The following GSPT1 variants were observed in gnomAD, a reference collection of about 807,000 sequenced individuals.
GSPT1 encodes eukaryotic peptide chain release factor GTP-binding subunit ERF3A.
Under a neutral mutation model 72.5 loss-of-function variants are expected in GSPT1, and 20 were observed. That is an observed-to-expected ratio of 0.28 (90% CI 0.19 to 0.40). GSPT1 has a LOEUF of 0.40. GSPT1 is among the 10% of genes least tolerant of loss of function. The pLI is 1.00. For missense variants in GSPT1, 580 were observed against 811.9 expected (o/e 0.71, Z 3.47); for synonymous variants, 334 against 293.5 (o/e 1.14, Z -1.41).
upstream of GSPT1, among the ~76,000 whole-genome samples, chr16:11,916,564 G>A (rs1294847915): frequency 6.6e-6 from 1 of 152,084 alleles, no homozygotes; most frequent in African/African-American, 2.4e-5. Flanking sequence ...TTCAAAGCCG[G>A]TGCAGATTGC....
At chr16:11,902,899 T>C (rs541040191) in intron 1 of GSPT1, among the ~76,000 whole-genome samples, 16 of 152,024 alleles carry the variant, frequency 1.1e-4, no homozygotes, top group African/African-American at 3.9e-4. Flanking sequence ...AAATTTTTTA[T>C]AGAGATGGTG....
At chr16:11,876,018 T>C (rs2054042880) in intron 13 of GSPT1, 68 bp downstream of exon 13, 1 of 1,448,204 alleles carries the variant, frequency 6.9e-7, no homozygotes, top group East Asian at 2.3e-5. Flanking sequence ...TGCATCACTG[T>C]TGCTGATTAG....
At chr16:11,892,016 G>C (rs1455073812) in intron 5 of GSPT1, among the ~76,000 whole-genome samples, 2 of 151,996 alleles carry the variant, frequency 1.3e-5, no homozygotes, top group Non-Finnish European at 2.9e-5. Context: ...TATGGAAAGT[G>C]TAAGTGGAAA....
chr16:11,910,002 G>A (rs1385695426), intron 1 of GSPT1, among the ~76,000 whole-genome samples: 1 of 152,140 alleles, frequency 6.6e-6, no homozygotes, highest in Non-Finnish European at 1.5e-5. Flanking sequence ...GGAAGCTGAG[G>A]TGAAAGATCA....
intron 1 of GSPT1, among the ~76,000 whole-genome samples, chr16:11,901,953 G>T (rs961231434): frequency 6.6e-6 from 1 of 151,694 alleles, no homozygotes; most frequent in Non-Finnish European, 1.5e-5. Context: ...AAAATTTGCC[G>T]GGCACGGTGT....
intron 11 of GSPT1, among the ~76,000 whole-genome samples, chr16:11,878,519 GGT>G (rs1349532943): frequency 6.6e-6 from 1 of 151,090 alleles, no homozygotes; most frequent in Non-Finnish European, 1.5e-5. Flanking sequence ...CTTGAGCCCA[GGT>G]GTTTTAAGGC....
chr16:11,916,078 T>C (rs2054634510), upstream of GSPT1: 3 of 523,422 alleles, frequency 5.7e-6, no homozygotes, highest in Non-Finnish European at 1.1e-5. Flanking sequence ...GCCGCCCCCG[T>C]TTCCGGCTAT....
rs78205976 is a variant in GSPT1, at chr16:11,881,442, G to A, written c.1428+1573C>T. On this transcript the variant is annotated intron_variant, in intron 11 of 14. Coordinates refer to ENST00000434724, the MANE Select transcript of GSPT1 (RefSeq NM_002094.4). ...GAGAATCATACTTTTTTCTATTCTG[G>A]TAAAATATAAGTAATAACATTCAAC... 1.9e-4 allele frequency: 29 copies of A among 151,906 alleles called. 1 individual carries two copies. The East Asian group carries it at 4.6e-3, about 24-fold the overall frequency. 9.4% of individuals were successfully genotyped at this position (151,906 alleles called of 1,614,324 possible). A position where few individuals can be genotyped will look rare whatever the true frequency, so the allele number is the denominator to read the frequency against.
At chr16:11,874,013 T>TAAGTAAAATAAA (rs2054008812) in intron 14 of GSPT1, among the ~76,000 whole-genome samples, 2 of 152,180 alleles carry the variant, frequency 1.3e-5, no homozygotes, top group African/African-American at 4.8e-5. Flanking sequence ...AACCTCAAAA[T>TAAGTAAAATAAA]CACACTAAGT....
intron 1 of GSPT1, among the ~76,000 whole-genome samples, chr16:11,913,560 C>A (rs777697015): frequency 6.6e-6 from 1 of 152,146 alleles, no homozygotes; most frequent in Non-Finnish European, 1.5e-5. Context: ...CCATTCTAGA[C>A]CAAGGTTGGT....
intron 10 of GSPT1, among the ~76,000 whole-genome samples, chr16:11,884,363 T>C (rs911642887): frequency 6.6e-6 from 1 of 152,206 alleles, no homozygotes; most frequent in South Asian, 2.1e-4. Context: ...CCCTGGCTCA[T>C]CGGGAAACAG....
In GSPT1 at chr16:11,871,845, G is replaced by A. The variant is rs541464336; in HGVS notation, c.*1274C>T. 2.0e-5 allele frequency: 3 copies of A among 152,210 alleles called. No individual in the cohort carries two copies. The highest frequency in any genetic ancestry group is 7.2e-5 in the African/African-American group (3 of 41,530). The allele number at this position is 152,210 out of a possible 1,614,324, so 9.4% of individuals were successfully genotyped here. On this transcript the variant is annotated 3_prime_UTR_variant, in exon 15 of 15. Coordinates refer to ENST00000434724, the MANE Select transcript of GSPT1 (RefSeq NM_002094.4). ...TCAAAGTCATGATAATTATAGCAGAGAGTCATTCAATCTAAAACCCACACA... is the reference window on the plus strand; with the variant it reads ...TCAAAGTCATGATAATTATAGCAGAAAGTCATTCAATCTAAAACCCACACA...
rs1452077207 is a variant in GSPT1, at chr16:11,898,446, T to A, written c.353-411A>T. Among the ~76,000 whole-genome samples, 11 of 148,950 alleles carry A rather than the reference T, an allele frequency of 7.4e-5. No individual in the cohort carries two copies. In the South Asian group the frequency reaches 2.4e-3, roughly 32 times the overall value. Reference sequence around the variant, plus strand: ...CAAGAAAGCTGTGATTAGCCCTTTTTTTTTTTTTTTTTTTTTGAGACTGAG... The same window carrying A: ...CAAGAAAGCTGTGATTAGCCCTTTTATTTTTTTTTTTTTTTTGAGACTGAG... On this transcript the variant is annotated intron_variant, in intron 1 of 14. Transcript: ENST00000434724.
chr16:11,887,298 G>A (rs79094780), intron 7 of GSPT1, among the ~76,000 whole-genome samples: 1 of 152,096 alleles, frequency 6.6e-6, no homozygotes, highest in Admixed American at 6.6e-5. Flanking sequence ...TACCCATGGT[G>A]CCTAACGGTG....
intron 1 of GSPT1, among the ~76,000 whole-genome samples, chr16:11,899,208 C>T (rs1054028124): frequency 3.3e-5 from 5 of 152,046 alleles, no homozygotes; most frequent in South Asian, 4.2e-4. Flanking sequence ...AATCATTGCC[C>T]GGAAAGGATC....
intron 1 of GSPT1, among the ~76,000 whole-genome samples, chr16:11,901,292 G>A (rs2054402935): frequency 6.6e-6 from 1 of 152,016 alleles, no homozygotes; most frequent in African/African-American, 2.4e-5. Context: ...AATGAGCCTG[G>A]GCTTAGAATT....
At position 11,877,283 on chromosome 16, in the gene GSPT1, T is replaced by C. The variant is rs2054060686; in HGVS notation, c.1602+124A>G. On this transcript the variant is annotated intron_variant, in intron 12 of 14. Transcript: ENST00000434724. This position sits in a 1 kb window ranked among gnomAD's most constrained non-coding sequence, Gnocchi z 4.0. ...ATATAAGTGGCTTATAATATTTCCA[T>C]TCCCCTTCTCTACACTAAGATGGGT... 2 of 639,602 alleles carry C rather than the reference T, an allele frequency of 3.1e-6. No individual in the cohort carries two copies. The highest frequency in any genetic ancestry group is 2.4e-5 in the South Asian group (1 of 42,428). The allele number at this position is 639,602 out of a possible 1,614,324, so 39.6% of individuals were successfully genotyped here. A position where few individuals can be genotyped will look rare whatever the true frequency, so the allele number is the denominator to read the frequency against.
chr16:11,888,452 A>C, intron 6 of GSPT1, among the ~76,000 whole-genome samples: 1 of 132,270 alleles, frequency 7.6e-6, no homozygotes, highest in Non-Finnish European at 1.6e-5. Flanking sequence ...ACAGAGGGAG[A>C]CTCTGTCTCT....
At chr16:11,905,490 G>T (rs1398681025) in intron 1 of GSPT1, among the ~76,000 whole-genome samples, 1 of 152,040 alleles carries the variant, frequency 6.6e-6, no homozygotes, top group Non-Finnish European at 1.5e-5. Context: ...TACCCTGAAG[G>T]GCTAATGATC....
Sources: allele counts gnomAD v4.1 joint callset (sites outside exome capture counted in the v4.1 genomes callset), GRCh38; gene constraint gnomAD v4.1.1; non-coding constraint Gnocchi (gnomAD v3.1); transcripts MANE v1.5; gene names NCBI Gene and HGNC (gene_info 2026-07-23, HGNC 2026-07-21).